The following RBFOX1 variants were observed in gnomAD, a reference collection of about 807,000 sequenced individuals.
RBFOX1 encodes RNA binding fox-1 homolog 1.
RBFOX1 carries 8 observed loss-of-function variants against 57.7 expected under a neutral mutation model. The observed-to-expected ratio is 0.14, with a 90% CI of 0.08 to 0.25. The LOEUF (loss-of-function observed/expected upper bound fraction) is 0.25. Among genes scored for constraint, RBFOX1 ranks in the 10% least tolerant of loss-of-function variants. The probability of loss-of-function intolerance (pLI) is 1.00; values close to 1 mark genes in which losing one functional copy is unlikely to be tolerated. For synonymous variants in RBFOX1, 326 were observed against 222.4 expected, an observed-to-expected ratio of 1.47 and a Z score of -4.15; for missense variants, 611 against 548.5, an observed-to-expected ratio of 1.11 and a Z score of -1.14.
chr16:6,710,154 G>A (rs12597080), intron 3 of RBFOX1, among the ~76,000 whole-genome samples: 39 of 152,278 alleles, frequency 2.6e-4, no homozygotes, highest in African/African-American at 8.7e-4. Flanking sequence ...AATCCAAGCC[G>A]TGTGTCTCTA....
In RBFOX1 at chr16:7,137,658, C is replaced by G. The variant is rs796530716; in HGVS notation, c.27+85560C>G. Among the ~76,000 whole-genome samples, 23 of 152,248 alleles carry G rather than the reference C, an allele frequency of 1.5e-4. 1 individual carries two copies. The highest frequency in any genetic ancestry group is 6.8e-3 in the Middle Eastern group (2 of 294). On this transcript the variant is annotated intron_variant, in intron 4 of 15. Transcript: ENST00000550418. ...TACAAAAGGAAACTTAGAAGGGAAC[C>G]TCAGATTAGGGGCAAGCTCCTTGGT...
intron 3 of RBFOX1, among the ~76,000 whole-genome samples, chr16:6,850,544 C>G (rs993986363): frequency 3.9e-5 from 6 of 152,138 alleles, no homozygotes; most frequent in Non-Finnish European, 7.3e-5. Context: ...AAGGCCAGAT[C>G]TGTACCCACA....
intron 1 of RBFOX1, among the ~76,000 whole-genome samples, chr16:6,140,415 C>A (rs1002476652): frequency 6.6e-6 from 1 of 151,988 alleles, no homozygotes; most frequent in Non-Finnish European, 1.5e-5. Context: ...AGGCTAGCCT[C>A]GAATTCCTGG....
chr16:5,719,854 G>A (rs368783297), intron 3 of RBFOX1, among the ~76,000 whole-genome samples: 1 of 152,152 alleles, frequency 6.6e-6, no homozygotes, highest in African/African-American at 2.4e-5. Context: ...GAATAGTGCT[G>A]CTACGAACAT....
intron 4 of RBFOX1, among the ~76,000 whole-genome samples, chr16:7,412,619 G>C (rs1456010042): frequency 1.3e-5 from 2 of 152,162 alleles, no homozygotes; most frequent in African/African-American, 4.8e-5. Flanking sequence ...TTCTCACTTA[G>C]TAATACAAAG....
chr16:6,076,871 G>A (rs1187863103), intron 1 of RBFOX1, among the ~76,000 whole-genome samples: 3 of 152,172 alleles, frequency 2.0e-5, no homozygotes, highest in Non-Finnish European at 4.4e-5. Flanking sequence ...CACTCAGTGA[G>A]TAGGCTCCAA....
At chr16:5,988,556 C>T (rs2060326673) in intron 4 of RBFOX1, among the ~76,000 whole-genome samples, 1 of 152,144 alleles carries the variant, frequency 6.6e-6, no homozygotes, top group African/African-American at 2.4e-5. Context: ...CTGTTACCCC[C>T]TTCCTGCCAC....
At chr16:5,541,359 G>C (rs1029592646) in intron 2 of RBFOX1, among the ~76,000 whole-genome samples, 10 of 152,058 alleles carry the variant, frequency 6.6e-5, no homozygotes, top group Non-Finnish European at 1.5e-5. Flanking sequence ...CACTGCCTCA[G>C]GAGGTCTTCA....
intron 1 of RBFOX1, among the ~76,000 whole-genome samples, chr16:6,174,372 A>G (rs12924849): frequency 0.47 from 71,563 of 152,076 alleles, 16,975 homozygotes; most frequent in Admixed American, 0.53. Context: ...AGGAGGGCAG[A>G]TCACCTGAGG....
rs529687529 is a variant in RBFOX1 at position 5,665,903 on chromosome 16, A to T, written c.318+66942A>T. 2.6e-5 allele frequency among the ~76,000 whole-genome samples: 4 copies of T among 152,352 alleles called. No homozygotes were observed. The South Asian group carries it at 8.3e-4, about 32-fold the overall frequency. Reference sequence around the variant, plus strand: ...CAGCAGGCCTCAGCTTCTGAGAGGCATCTGCTGAAAGCTGTTGTTGGCACG... The same window carrying T: ...CAGCAGGCCTCAGCTTCTGAGAGGCTTCTGCTGAAAGCTGTTGTTGGCACG... On this transcript the variant is annotated intron_variant, in intron 3 of 19. Coordinates refer to the RBFOX1 transcript ENST00000641259.
intron 3 of RBFOX1, 36 bp downstream of exon 3, chr16:6,654,686 A>G (rs1057334550): frequency 2.0e-6 from 3 of 1,468,420 alleles, no homozygotes; most frequent in Non-Finnish European, 2.7e-6. Flanking sequence ...GGTTGCAAAC[A>G]AAACAAGAAC....
chr16:6,212,216 T>G (rs1463176460), intron 1 of RBFOX1, among the ~76,000 whole-genome samples: 1 of 151,954 alleles, frequency 6.6e-6, no homozygotes, highest in Non-Finnish European at 1.5e-5. Context: ...GAAAAATACC[T>G]AATATACATT....
At chr16:5,809,154 C>T (rs2055333849) in intron 3 of RBFOX1, among the ~76,000 whole-genome samples, 1 of 152,168 alleles carries the variant, frequency 6.6e-6, no homozygotes, top group Admixed American at 6.5e-5. Context: ...CTTCCTTACA[C>T]CTTATACAAA....
At chr16:5,575,903 G>A (rs370035731) in intron 2 of RBFOX1, among the ~76,000 whole-genome samples, 181 of 151,896 alleles carry the variant, frequency 1.2e-3, no homozygotes, top group African/African-American at 4.2e-3. Flanking sequence ...CAGCAAATGG[G>A]TCACGCATGT....
intron 4 of RBFOX1, among the ~76,000 whole-genome samples, chr16:7,221,140 T>G (rs1054959704): frequency 1.3e-5 from 2 of 152,094 alleles, no homozygotes; most frequent in African/African-American, 2.4e-5. Flanking sequence ...GGCTTATACT[T>G]GAATGTCTCT....
intron 3 of RBFOX1, among the ~76,000 whole-genome samples, chr16:5,650,111 A>G (rs900483744): frequency 2.6e-5 from 4 of 152,226 alleles, no homozygotes; most frequent in South Asian, 2.1e-4. Flanking sequence ...TTTCCTCTCA[A>G]TAACCTCTGT....
At chr16:7,124,910 G>A (rs1040087010) in intron 4 of RBFOX1, among the ~76,000 whole-genome samples, 3 of 152,050 alleles carry the variant, frequency 2.0e-5, no homozygotes, top group Admixed American at 2.0e-4. Context: ...AGCGTTATGA[G>A]CTAATTAAAA....
chr16:5,243,871 T>C (rs62019126), intron 1 of RBFOX1, among the ~76,000 whole-genome samples: 46,443 of 151,908 alleles, frequency 0.31, 7,464 homozygotes, highest in South Asian at 0.42. Flanking sequence ...AGACAGTACA[T>C]GGAAAATGCT....
intron 2 of RBFOX1, among the ~76,000 whole-genome samples, chr16:6,425,094 A>T (rs1313249228): frequency 6.6e-6 from 1 of 152,182 alleles, no homozygotes; most frequent in Non-Finnish European, 1.5e-5. Context: ...TTTGACTTTA[A>T]TAATAAGGAT....
Sources: allele counts gnomAD v4.1 joint callset (sites outside exome capture counted in the v4.1 genomes callset), GRCh38; gene constraint gnomAD v4.1.1; transcripts MANE v1.5; gene names NCBI Gene and HGNC (gene_info 2026-07-23, HGNC 2026-07-21).